Variants in SLCO1B3 observed in about 807,000 individuals in gnomAD.
The protein encoded by SLCO1B3 is solute carrier organic anion transporter family member 1B3, also known as liver-specific organic anion transporter 2.
In SLCO1B3, 72 loss-of-function variants were observed where a neutral mutation model predicts 71.8. The observed-to-expected ratio is 1.00, with a 90% CI of 0.83 to 1.22. The LOEUF is 1.22. Ranked by LOEUF, SLCO1B3 falls within the 50% of genes most tolerant of loss-of-function variation. The probability of loss-of-function intolerance (pLI) is 0.00; values close to 1 mark genes in which losing one functional copy is unlikely to be tolerated. For synonymous variants in SLCO1B3, 298 were observed against 278.4 expected (o/e 1.07, Z -0.70); for missense variants, 911 against 819.7 (o/e 1.11, Z -1.36).
At chr12:20,812,182 C>A (rs929327479) in intron 1 of SLCO1B3, among the ~76,000 whole-genome samples, 1 of 152,130 alleles carries the variant, frequency 6.6e-6, no homozygotes. Context: ...GCTGGGATTA[C>A]AGGCATGAGT....
chr12:20,830,066 A>G (rs1388585520), intron 3 of SLCO1B3, among the ~76,000 whole-genome samples: 2 of 152,176 alleles, frequency 1.3e-5, no homozygotes, highest in African/African-American at 4.8e-5. Flanking sequence ...ACTGCAGCCC[A>G]GTAGGTTTCA....
chr12:20,904,826 T>G (rs1388912174), intron 15 of SLCO1B3, among the ~76,000 whole-genome samples: 1 of 132,500 alleles, frequency 7.5e-6, no homozygotes, highest in Non-Finnish European at 1.5e-5. Flanking sequence ...CAGGCTGGAG[T>G]GCAGTGGCAT....
intron 3 of SLCO1B3, among the ~76,000 whole-genome samples, chr12:20,841,795 A>AT (rs1343591203): frequency 6.6e-6 from 1 of 150,944 alleles, no homozygotes; most frequent in African/African-American, 2.4e-5. Context: ...TACTGTTGGG[A>AT]TTTTTTTATG....
chr12:20,826,351 G>A (rs1214130962), intron 3 of SLCO1B3, among the ~76,000 whole-genome samples: 1 of 152,100 alleles, frequency 6.6e-6, no homozygotes, highest in Non-Finnish European at 1.5e-5. Context: ...AGAGAAAGCT[G>A]AAAGCAGTGG....
intron 9 of SLCO1B3, among the ~76,000 whole-genome samples, chr12:20,876,742 G>A (rs917660849): frequency 3.2e-4 from 49 of 152,192 alleles, no homozygotes; most frequent in African/African-American, 1.1e-3. Flanking sequence ...ATAAGTTTTT[G>A]TAGTTTAACA....
intron 4 of SLCO1B3, among the ~76,000 whole-genome samples, chr12:20,856,013 A>G (rs1382185786): frequency 6.6e-6 from 1 of 152,128 alleles, no homozygotes; most frequent in Non-Finnish European, 1.5e-5. Context: ...TCAAAGGAAG[A>G]TTTATCTCTT....
chr12:20,915,849 C>T (rs1451878494), intron 15 of SLCO1B3, among the ~76,000 whole-genome samples, 155 bp from the exon 16 acceptor site: 1 of 151,946 alleles, frequency 6.6e-6, no homozygotes, highest in South Asian at 2.1e-4. Context: ...ATATCTTATG[C>T]CCCCAATGAA....
At chr12:20,862,283 A>T in intron 6 of SLCO1B3, 129 bp from the exon 7 acceptor site, 1 of 1,085,524 alleles carries the variant, frequency 9.2e-7, no homozygotes, top group Non-Finnish European at 1.3e-6. Context: ...TTGTAAAGTG[A>T]ATATGAATCA....
Position 20,875,282 on chromosome 12 carries a change from T to C in SLCO1B3, c.775T>C (p.Trp259Arg). The C allele has an allele frequency of 6.2e-7, 1 of 1,613,416 alleles. No individual in the cohort carries two copies. Among genetic ancestry groups the C allele is most frequent in the Non-Finnish European group, 8.5e-7 (1 of 1,179,628 alleles). ...PKDSRWVGAW[W>R]LGFLVSGLFS... ...GGACTCTCGTTGGGTTGGAGCTTGGTGGCTTGGTTTCCTTGTGTCTGGACT... is the reference window on the plus strand; with the variant it reads ...GGACTCTCGTTGGGTTGGAGCTTGGCGGCTTGGTTTCCTTGTGTCTGGACT... The change falls in exon 9 of 16, where the codon TGG becomes CGG. Residue 259 changes from tryptophan (W) to arginine (R), a missense_variant. By Grantham distance (101) the Trp-to-Arg change is moderately radical (BLOSUM62 -3). Coordinates refer to ENST00000381545, the MANE Select transcript of SLCO1B3 (RefSeq NM_019844.4).
intron 8 of SLCO1B3, among the ~76,000 whole-genome samples, chr12:20,869,923 AC>A (rs1479158940): frequency 6.6e-6 from 1 of 152,076 alleles, no homozygotes; most frequent in Non-Finnish European, 1.5e-5. Flanking sequence ...ATTTTTTTAT[AC>A]CAGGTGCACG....
chr12:20,900,664 G>A (rs1866111349), intron 14 of SLCO1B3, among the ~76,000 whole-genome samples: 1 of 152,156 alleles, frequency 6.6e-6, no homozygotes, highest in Non-Finnish European at 1.5e-5. Context: ...ACCCTAACCT[G>A]CAGCCCAGGT....
rs374372993 is a variant in SLCO1B3, at chr12:20,892,767, C to A, written c.1683-5669C>A. Among the ~76,000 whole-genome samples the A allele has an allele frequency of 8.4e-4, 128 of 152,244 alleles. 2 individuals are homozygous for A. The South Asian group carries it at 0.025, about 29-fold the overall frequency. ...CCTGAAGATTAAAGAAACATACTGA[C>A]AGGGAAAATGGACTAGTAGAATATT... On this transcript the variant is annotated intron_variant, in intron 13 of 15. Transcript: ENST00000381545.
At chr12:20,873,790 G>C (rs914230004) in intron 8 of SLCO1B3, among the ~76,000 whole-genome samples, 10 of 152,092 alleles carry the variant, frequency 6.6e-5, no homozygotes, top group Non-Finnish European at 1.5e-4. Flanking sequence ...GCCCCAGTGT[G>C]TATTGTTCCC....
chr12:20,859,862 T>C (rs1865219133), intron 5 of SLCO1B3, among the ~76,000 whole-genome samples: 1 of 152,126 alleles, frequency 6.6e-6, no homozygotes, highest in African/African-American at 2.4e-5. Context: ...CCAATTTGAA[T>C]TCTACCCATC....
chr12:20,872,214 T>C (rs1865488764), intron 8 of SLCO1B3, among the ~76,000 whole-genome samples: 1 of 151,852 alleles, frequency 6.6e-6, no homozygotes, highest in Non-Finnish European at 1.5e-5. Context: ...CCATGTTCAA[T>C]TAAAGCTCTA....
At chr12:20,825,388 T>C (rs956248168) in intron 3 of SLCO1B3, among the ~76,000 whole-genome samples, 1 of 152,152 alleles carries the variant, frequency 6.6e-6, no homozygotes, top group Non-Finnish European at 1.5e-5. Flanking sequence ...GAATGCAGTT[T>C]ATTTTGATTA....
At chr12:20,851,789 TCTTACA>T (rs1565589203) in intron 3 of SLCO1B3, among the ~76,000 whole-genome samples, 2 of 113,620 alleles carry the variant, frequency 1.8e-5, no homozygotes, top group East Asian at 2.9e-4. Context: ...GAGTGTAAGG[TCTTACA>T]TTTAGGCATT....
At chr12:20,901,735 C>A (rs1474851263) in intron 15 of SLCO1B3, among the ~76,000 whole-genome samples, 1 of 152,104 alleles carries the variant, frequency 6.6e-6, no homozygotes, top group East Asian at 1.9e-4. Flanking sequence ...AATTGCACAA[C>A]TAAAAGAAAT....
At chr12:20,868,871 C>T (rs537573863) in intron 8 of SLCO1B3, among the ~76,000 whole-genome samples, 17 of 152,206 alleles carry the variant, frequency 1.1e-4, no homozygotes, top group Non-Finnish European at 5.9e-5. Flanking sequence ...GCCTGGCAGC[C>T]GAGGCAGAGA....
Sources: allele counts gnomAD v4.1 joint callset (sites outside exome capture counted in the v4.1 genomes callset), GRCh38; gene constraint gnomAD v4.1.1; transcripts MANE v1.5; gene names NCBI Gene and HGNC (gene_info 2026-07-23, HGNC 2026-07-21).